PARP8: variants seen among roughly 807,000 people sequenced by gnomAD.
PARP8 encodes poly(ADP-ribose) polymerase family member 8.
In PARP8, 51 loss-of-function variants were observed where a neutral mutation model predicts 124.1. The observed-to-expected ratio is 0.41, with a 90% CI of 0.33 to 0.52. The LOEUF is 0.52. PARP8 is among the 20% of genes least tolerant of loss of function. The pLI, the probability that PARP8 is intolerant of heterozygous loss-of-function variation, is 0.21. For synonymous variants in PARP8, 391 were observed against 361.5 expected, an observed-to-expected ratio of 1.08 and a Z score of -0.93; for missense variants, 860 against 1,018.9, an observed-to-expected ratio of 0.84 and a Z score of 2.12.
intron 6 of PARP8, 26 bp downstream of exon 6, chr5:50,761,924 C>T: frequency 6.9e-7 from 1 of 1,458,792 alleles, no homozygotes; most frequent in Admixed American, 1.8e-5. Flanking sequence ...CTTCCAAATA[C>T]CTAGTCTTAA....
Position 50,843,339 on chromosome 5 carries a change from C to G in PARP8, c.*1271C>G, listed in dbSNP as rs376783344. 1 of 151,330 alleles carries G rather than the reference C, an allele frequency of 6.6e-6. No individual in the cohort carries two copies. Among genetic ancestry groups the G allele is most frequent in the Admixed American group, 6.6e-5 (1 of 15,134 alleles). 9.4% of individuals were successfully genotyped at this position (151,330 alleles called of 1,614,324 possible). On this transcript the variant is annotated 3_prime_UTR_variant, in exon 26 of 26. Coordinates refer to ENST00000281631, the MANE Select transcript of PARP8 (RefSeq NM_024615.4). ...AGTGAGTCTGCCACTCTATTCAAACCCTGAATCAAGGCTCTATCTGATTTT... is the reference window on the plus strand; with the variant it reads ...AGTGAGTCTGCCACTCTATTCAAACGCTGAATCAAGGCTCTATCTGATTTT...
intron 25 of PARP8, among the ~76,000 whole-genome samples, chr5:50,836,673 G>A (rs1747622308): frequency 6.6e-6 from 1 of 152,124 alleles, no homozygotes; most frequent in Admixed American, 6.6e-5. Flanking sequence ...GAAGCTAACT[G>A]CACACAGTAC....
In PARP8 at chr5:50,704,331, C is replaced by T. The variant is rs182736467; in HGVS notation, c.146+36206C>T. Among the ~76,000 whole-genome samples, 281 of 152,286 alleles carry T rather than the reference C, an allele frequency of 1.8e-3. 1 individual carries two copies. Among genetic ancestry groups the T allele is most frequent in the South Asian group, 3.1e-3 (15 of 4,828 alleles). On this transcript the variant is annotated intron_variant, in intron 2 of 25. Transcript: ENST00000281631. ...TCAAAAAAGGCCACTTAACTATCTTCTGTCAGGACATAATCAGAAAATGTT... is the reference window on the plus strand; with the variant it reads ...TCAAAAAAGGCCACTTAACTATCTTTTGTCAGGACATAATCAGAAAATGTT...
chr5:50,760,317 C>A lies in PARP8; in HGVS notation c.300C>A (p.Asn100Lys). 1 of 1,528,782 alleles carries A rather than the reference C, an allele frequency of 6.5e-7. No homozygotes were observed. Among genetic ancestry groups the A allele is most frequent in the Admixed American group, 1.9e-5 (1 of 52,906 alleles). The allele number at this position is 1,528,782 out of a possible 1,614,324, so 94.7% of individuals were successfully genotyped here. The change falls in exon 5 of 26, where the codon AAC (asparagine) becomes AAA (lysine). Residue 100 changes from asparagine (N) to lysine (K), a missense_variant. Asn to Lys is a moderately conservative substitution (Grantham distance 94). Around this residue, in one of 2 missense-constraint regions of PARP8, gnomAD observed 517 missense variants for 544.2 expected, o/e 0.95. Transcript: ENST00000281631. Reference protein sequence around the residue: ...ATELRKTNDINCCLSIKSKLQ... With the variant: ...ATELRKTNDIKCCLSIKSKLQ... The stretch of plus-strand genomic sequence containing the variant: ...AATTAAGAAAAACAAATGACATTAA[C>A]TGTTGCTTATCCATAAAATCCAAAT...
intron 7 of PARP8, among the ~76,000 whole-genome samples, chr5:50,774,597 A>AT (rs1739699667): frequency 1.0e-5 from 1 of 97,142 alleles, no homozygotes; most frequent in Middle Eastern, 9.1e-3. Context: ...CCTCCCAGAC[A>AT]GGGCGGCCGG....
At chr5:50,771,439 G>A (rs1761620109) in intron 7 of PARP8, among the ~76,000 whole-genome samples, 3 of 152,200 alleles carry the variant, frequency 2.0e-5, no homozygotes, top group Admixed American at 6.5e-5. Context: ...GATTACAGGC[G>A]TGAGCCACTG....
At chr5:50,707,314 T>C (rs573749141) in intron 2 of PARP8, among the ~76,000 whole-genome samples, 1 of 152,190 alleles carries the variant, frequency 6.6e-6, no homozygotes, top group African/African-American at 2.4e-5. Context: ...AGAAACTGTC[T>C]TTGATACATA....
intron 2 of PARP8, among the ~76,000 whole-genome samples, chr5:50,711,237 A>C (rs1283410558): frequency 6.6e-6 from 1 of 152,186 alleles, no homozygotes; most frequent in Non-Finnish European, 1.5e-5. Context: ...ATTGTCTATC[A>C]GCCATTCATT....
rs1748495860 is a variant in PARP8 at position 50,844,830 on chromosome 5, A to C, written c.*2762A>C. 6.6e-6 allele frequency: 1 copy of C among 151,720 alleles called. No homozygotes were observed. 9.4% of individuals were successfully genotyped at this position (151,720 alleles called of 1,614,324 possible). A position where few individuals can be genotyped will look rare whatever the true frequency, so the allele number is the denominator to read the frequency against. ...ACTGTATTAAAAGGAGAAGAAAATG[A>C]ACATTTGAGAATGGAAAAAAGTAAT... On this transcript the variant is annotated 3_prime_UTR_variant, in exon 26 of 26. Coordinates refer to ENST00000281631, the MANE Select transcript of PARP8 (RefSeq NM_024615.4).
chr5:50,822,362 G>A lies in PARP8; in HGVS notation c.1822G>A (p.Ala608Thr). The A allele has an allele frequency of 6.2e-7, 1 of 1,611,562 alleles. No individual in the cohort carries two copies. The highest frequency in any genetic ancestry group is 8.5e-7 in the Non-Finnish European group (1 of 1,177,958). The part of the protein sequence containing the change: ...RKKNYDRVMK[A>T]LDSITSIREM... The stretch of plus-strand genomic sequence containing the variant: ...AAAGAACTATGATCGAGTAATGAAA[G>A]CACTGGATAGCATAACTTCTATCAG... Residue 608 changes from alanine to threonine, a missense_variant, in exon 17 of 26, where the codon GCA becomes ACA. This residue lies in a region of PARP8 where 343 missense variants were observed against 474.7 expected (regional missense o/e 0.72). Coordinates refer to ENST00000281631, the MANE Select transcript of PARP8 (RefSeq NM_024615.4).
At chr5:50,667,939 C>G in intron 1 of PARP8, 132 bp from the exon 2 acceptor site, 8 of 1,558,560 alleles carry the variant, frequency 5.1e-6, no homozygotes, top group Non-Finnish European at 6.9e-6. Context: ...AGAGGGACCT[C>G]GCCGCCCTCT....
chr5:50,765,817 G>A (rs1459357556), intron 7 of PARP8, among the ~76,000 whole-genome samples: 2 of 152,200 alleles, frequency 1.3e-5, no homozygotes, highest in African/African-American at 2.4e-5. Flanking sequence ...AAAGAGGTGG[G>A]TAGTTAGGCA....
At chr5:50,763,357 T>G in intron 7 of PARP8, 115 bp downstream of exon 7, 1 of 736,076 alleles carries the variant, frequency 1.4e-6, no homozygotes, top group Non-Finnish European at 2.3e-6. Flanking sequence ...TAAAGTGTTT[T>G]AGAAAGAGTC....
intron 3 of PARP8, among the ~76,000 whole-genome samples, chr5:50,752,145 C>G (rs1759328612): frequency 6.6e-6 from 1 of 151,610 alleles, no homozygotes; most frequent in Admixed American, 6.6e-5. Context: ...AATATTAAAT[C>G]TTTATCAAAC....
At chr5:50,793,154 C>T (rs1742152048) in intron 10 of PARP8, among the ~76,000 whole-genome samples, 1 of 152,116 alleles carries the variant, frequency 6.6e-6, no homozygotes, top group Non-Finnish European at 1.5e-5. Flanking sequence ...GTGCATATAA[C>T]ATTTCTGTTT....
intron 2 of PARP8, among the ~76,000 whole-genome samples, chr5:50,676,324 A>T (rs897166066): frequency 2.6e-5 from 4 of 152,266 alleles, no homozygotes; most frequent in Non-Finnish European, 2.9e-5. Flanking sequence ...AAGTTGCTTT[A>T]TGACAAAGAA....
At chr5:50,702,674 T>G (rs540910499) in intron 2 of PARP8, among the ~76,000 whole-genome samples, 18 of 152,354 alleles carry the variant, frequency 1.2e-4, no homozygotes, top group Admixed American at 3.9e-4. Context: ...AGATTCATTT[T>G]CTACTTACTT....
At chr5:50,818,947 T>C (rs1255848114) in intron 15 of PARP8, among the ~76,000 whole-genome samples, 3 of 152,116 alleles carry the variant, frequency 2.0e-5, no homozygotes, top group African/African-American at 7.2e-5. Context: ...CCCTGCTGTC[T>C]TTACTATATG....
intron 18 of PARP8, among the ~76,000 whole-genome samples, chr5:50,826,523 T>G (rs1208846186): frequency 1.3e-5 from 2 of 152,120 alleles, no homozygotes; most frequent in African/African-American, 4.8e-5. Flanking sequence ...GTCTTAAGTT[T>G]TAGGGAACAA....
Sources: gnomAD v4.1 joint callset for allele counts (sites outside exome capture counted in the v4.1 genomes callset) on GRCh38, gnomAD v4.1.1 for gene constraint, gnomAD v4.1.1 regional missense constraint, MANE v1.5 for transcripts, NCBI Gene and HGNC (gene_info 2026-07-23, HGNC 2026-07-21) for gene names.